SPATA1: variants seen among roughly 807,000 people sequenced by gnomAD.
SPATA1 encodes spermatogenesis-associated protein 1.
A neutral mutation model predicts 59.6 loss-of-function variants in SPATA1; 57 were observed. The ratio of observed to expected loss-of-function variants is 0.96; its 90% CI spans 0.77 to 1.19. The LOEUF is 1.19. SPATA1 is among the 50% of genes most tolerant of loss of function. The pLI, the probability that SPATA1 is intolerant of heterozygous loss-of-function variation, is 0.00. For synonymous variants in SPATA1, 147 were observed against 163.9 expected (o/e 0.90, Z 0.79); for missense variants, 448 against 480.7 (o/e 0.93, Z 0.64).
chr1:84,545,903 T>A, intron 10 of SPATA1, 144 bp downstream of exon 10: 1 of 531,882 alleles, frequency 1.9e-6, no homozygotes, highest in Non-Finnish European at 2.9e-6. Flanking sequence ...AAGTTCAATA[T>A]AGAAAACATG....
intron 8 of SPATA1, among the ~76,000 whole-genome samples, chr1:84,542,398 C>T (rs1490792844): frequency 6.6e-6 from 1 of 152,104 alleles, no homozygotes; most frequent in Non-Finnish European, 1.5e-5. Context: ...CCTTTCAAAG[C>T]ATTTTCTTCT....
chr1:84,509,593 C>T (rs1682446384), intron 1 of SPATA1, among the ~76,000 whole-genome samples: 1 of 152,068 alleles, frequency 6.6e-6, no homozygotes, highest in Non-Finnish European at 1.5e-5. Context: ...TAGTGAAATC[C>T]TGTCTCTACT....
intron 1 of SPATA1, among the ~76,000 whole-genome samples, chr1:84,514,201 T>C (rs538499053): frequency 6.6e-6 from 1 of 152,222 alleles, no homozygotes; most frequent in Non-Finnish European, 1.5e-5. Flanking sequence ...TGAGCTCTTT[T>C]CCCAGGTCTA....
chr1:84,554,900 C>T (rs534701919), downstream of SPATA1: 38 of 884,382 alleles, frequency 4.3e-5, no homozygotes, highest in African/African-American at 1.9e-4. Flanking sequence ...TTTTAGTATA[C>T]GGATAACAAA....
At chr1:84,512,732 T>C (rs934153131) in intron 1 of SPATA1, among the ~76,000 whole-genome samples, 1 of 152,234 alleles carries the variant, frequency 6.6e-6, no homozygotes, top group African/African-American at 2.4e-5. Context: ...CTCAAACCCA[T>C]AGTTTACTGT....
At chr1:84,555,521 T>C (rs954602286), downstream of SPATA1, among the ~76,000 whole-genome samples, 1 of 152,214 alleles carries the variant, frequency 6.6e-6, no homozygotes, top group Admixed American at 6.5e-5. Flanking sequence ...TAGGACACAA[T>C]ACAATCATAA....
exon 5 of SPATA1, chr1:84,566,048 A>C: frequency 2.2e-6 from 3 of 1,365,540 alleles, no homozygotes; most frequent in Non-Finnish European, 2.9e-6. Flanking sequence ...ATGTAATATG[A>C]TCACGTGTGC....
chr1:84,557,836 C>T (rs1203197453), downstream of SPATA1, among the ~76,000 whole-genome samples: 8 of 143,818 alleles, frequency 5.6e-5, no homozygotes, highest in Admixed American at 2.9e-4. Flanking sequence ...CCAGCGTGGG[C>T]GACATAGTGA....
chr1:84,533,096 T>C (rs993334372), intron 7 of SPATA1, 122 bp downstream of exon 7: 1 of 615,764 alleles, frequency 1.6e-6, no homozygotes, highest in East Asian at 2.9e-5. Context: ...AGTGATATTT[T>C]AATTAAAATT....
At chr1:84,521,904 G>A (rs1683043670) in intron 3 of SPATA1, among the ~76,000 whole-genome samples, 1 of 152,076 alleles carries the variant, frequency 6.6e-6, no homozygotes. Flanking sequence ...CGTAAGTGAT[G>A]GCTTTAAATT....
chr1:84,550,593 G>A, intron 12 of SPATA1, 63 bp downstream of exon 12: 1 of 1,412,918 alleles, frequency 7.1e-7, no homozygotes, highest in Non-Finnish European at 9.3e-7. Context: ...ATATTTTGGT[G>A]TTTTAACTTT....
chr1:84,507,230 G>A (rs1003612888), intron 1 of SPATA1: 3 of 152,118 alleles, frequency 2.0e-5, no homozygotes, highest in African/African-American at 7.2e-5. Context: ...TTCCATTAAT[G>A]TTAATAATTT....
At position 84,522,162 on chromosome 1, in the gene SPATA1, CA is replaced by C. The variant is rs779053657; in HGVS notation, c.144-227del. Among the ~76,000 whole-genome samples the C allele has an allele frequency of 6.6e-5, 10 of 152,110 alleles. No homozygotes were observed. In the South Asian group the frequency reaches 2.1e-3, roughly 32 times the overall value. ...CTTTTCAGTACAAAACATTTATAAA[CA>C]GTGTTTATTTGCATAATTTTAAAGG... On this transcript the variant is annotated intron_variant, in intron 3 of 12. Coordinates refer to ENST00000490879, the Ensembl canonical transcript of SPATA1.
chr1:84,516,439 A>G, intron 2 of SPATA1, 44 bp downstream of exon 2: 2 of 1,207,356 alleles, frequency 1.7e-6, no homozygotes, highest in Non-Finnish European at 2.3e-6. Flanking sequence ...AGACCTGCTT[A>G]TCACTGTTTT....
exon 5 of SPATA1, chr1:84,566,056 T>G: frequency 1.4e-5 from 17 of 1,203,278 alleles, no homozygotes; most frequent in Non-Finnish European, 1.8e-5. Context: ...TGATCACGTG[T>G]GCATATTACG....
chr1:84,565,904 G>A (rs1344935709), exon 5 of SPATA1: 16 of 1,595,120 alleles, frequency 1.0e-5, no homozygotes, highest in Non-Finnish European at 1.4e-5. Context: ...ATCTGACTTT[G>A]TTCATCATAA....
At chr1:84,538,383 A>G (rs551505104) in intron 8 of SPATA1, among the ~76,000 whole-genome samples, 3 of 152,328 alleles carry the variant, frequency 2.0e-5, no homozygotes, top group East Asian at 1.9e-4. Context: ...TCCTTGTCGT[A>G]ATCTAGTTTA....
At chr1:84,545,866 C>A in intron 10 of SPATA1, 107 bp downstream of exon 10, 3 of 871,580 alleles carry the variant, frequency 3.4e-6, no homozygotes, top group Non-Finnish European at 4.7e-6. Context: ...TACTGTTTTA[C>A]TATTTTAGTT....
chr1:84,523,030 G>A (rs1683089738), intron 4 of SPATA1, among the ~76,000 whole-genome samples: 1 of 151,548 alleles, frequency 6.6e-6, no homozygotes. Context: ...CCTGCCTCCC[G>A]AGTAGCTGGG....
Sources: gnomAD v4.1 joint callset for allele counts (sites outside exome capture counted in the v4.1 genomes callset) on GRCh38, gnomAD v4.1.1 for gene constraint, MANE v1.5 for transcripts, NCBI Gene and HGNC (gene_info 2026-07-23, HGNC 2026-07-21) for gene names.